Variants in BPIFB6 observed in about 807,000 individuals in gnomAD.
BPIFB6 encodes the protein BPI fold containing family B member 6.
BPIFB6 carries 47 observed loss-of-function variants against 54.7 expected under a neutral mutation model. The observed-to-expected ratio is 0.86, with a 90% CI of 0.68 to 1.10. BPIFB6 has a LOEUF of 1.10. BPIFB6 is among the 50% of genes least tolerant of loss of function. The probability of loss-of-function intolerance (pLI) is 0.00; values close to 1 mark genes in which losing one functional copy is unlikely to be tolerated. For missense variants in BPIFB6, 603 were observed against 564.1 expected, an observed-to-expected ratio of 1.07 and a Z score of -0.70; for synonymous variants, 255 against 225.9, an observed-to-expected ratio of 1.13 and a Z score of -1.16.
At position 33,037,590 on chromosome 20, in the gene BPIFB6, C is replaced by T; in HGVS notation, c.698C>T (p.Thr233Ile). The T allele has an allele frequency of 6.2e-7, 1 of 1,613,516 alleles. No homozygotes were observed. The highest frequency in any genetic ancestry group is 1.1e-5 in the South Asian group (1 of 91,054). ...SPVVQQQKGK[T>I]IKLADAGEAL... Reference sequence around the variant, plus strand: ...GTGGTGCAGCAGCAAAAGGGCAAAACCATCAAGCTTGCTGATGCCGGGGAG... The same window carrying T: ...GTGGTGCAGCAGCAAAAGGGCAAAATCATCAAGCTTGCTGATGCCGGGGAG... The change falls in exon 8 of 15, where the codon ACC (threonine) becomes ATC (isoleucine). Residue 233 changes from threonine (T) to isoleucine (I), a missense_variant. Transcript: ENST00000349552.
At chr20:33,039,219 C>T (rs1368618602) in intron 9 of BPIFB6, 128 bp from the exon 10 acceptor site, 4 of 1,030,806 alleles carry the variant, frequency 3.9e-6, no homozygotes, top group Non-Finnish European at 5.7e-6. Context: ...ATAGACACAT[C>T]CTGGCCTTTG....
At chr20:33,032,640 C>T (rs1053393352) in intron 1 of BPIFB6, among the ~76,000 whole-genome samples, 6 of 152,214 alleles carry the variant, frequency 3.9e-5, no homozygotes, top group Non-Finnish European at 8.8e-5. Flanking sequence ...CTCCCACCCA[C>T]CTTTGCACTT....
chr20:33,038,753 G>A (rs1979449902), intron 8 of BPIFB6, among the ~76,000 whole-genome samples, 156 bp from the exon 9 acceptor site: 1 of 152,164 alleles, frequency 6.6e-6, no homozygotes, highest in African/African-American at 2.4e-5. Context: ...CATCACCTGG[G>A]CTGCCCAGAA....
intron 10 of BPIFB6, among the ~76,000 whole-genome samples, chr20:33,040,031 T>C (rs1979511028): frequency 6.6e-6 from 1 of 152,144 alleles, no homozygotes; most frequent in South Asian, 2.1e-4. Flanking sequence ...CCAGGTATTT[T>C]GGGGGATGCT....
rs776811803 is a variant in BPIFB6 at position 33,036,493 on chromosome 20, C to T, written c.626C>T (p.Ser209Phe). Reference sequence around the variant, plus strand: ...GGCACCGTCAAATATGTTCTGATGTCCGCACCAGCCACCACAGCCAGCTAC... The same window carrying T: ...GGCACCGTCAAATATGTTCTGATGTTCGCACCAGCCACCACAGCCAGCTAC... ...QMGTVKYVLM[S>F]APATTASYIQ... The change falls in exon 7 of 15, where the codon TCC becomes TTC. Residue 209 changes from serine (S) to phenylalanine (F), a missense_variant. Ser to Phe is a radical substitution (Grantham distance 155, BLOSUM62 -2). Coordinates refer to ENST00000349552, the MANE Select transcript of BPIFB6 (RefSeq NM_174897.2). The T allele has an allele frequency of 1.9e-5, 30 of 1,614,030 alleles. No individual in the cohort carries two copies. The highest frequency in any genetic ancestry group is 2.5e-5 in the Non-Finnish European group (30 of 1,180,024).
rs747858432 is a variant in BPIFB6 at position 33,044,040 on chromosome 20, T to A, written c.1355T>A (p.Leu452Gln). ...AATGCCCTGATGCTGGACTTGAAGC[T>A]GGGCTGACCATGGCAGGACTCCCCT... ...VENALMLDLK[L>Q]G Residue 452 changes from leucine to glutamine, a missense_variant, in exon 15 of 15, where the codon CTG becomes CAG. By Grantham distance (113) the Leu-to-Gln change is moderately radical. Coordinates refer to ENST00000349552, the MANE Select transcript of BPIFB6 (RefSeq NM_174897.2). 1 of 1,614,210 alleles carries A rather than the reference T, an allele frequency of 6.2e-7. No homozygotes were observed. Among genetic ancestry groups the A allele is most frequent in the Non-Finnish European group, 8.5e-7 (1 of 1,180,034 alleles).
chr20:33,034,513 G>A (rs1164504556), intron 3 of BPIFB6, among the ~76,000 whole-genome samples: 1 of 152,212 alleles, frequency 6.6e-6, no homozygotes, highest in Non-Finnish European at 1.5e-5. Flanking sequence ...CGGATGGTCA[G>A]AAAAGGTTAT....
chr20:33,036,652 T>C, intron 7 of BPIFB6, 116 bp downstream of exon 7: 1 of 990,298 alleles, frequency 1.0e-6, no homozygotes. Flanking sequence ...GGGAGGCCCC[T>C]CAAGCCGTGG....
rs565761859 is a variant in BPIFB6 at position 33,031,773 on chromosome 20, G to A, written c.97+29G>A. The A allele has an allele frequency of 1.9e-6, 3 of 1,598,664 alleles. No individual in the cohort carries two copies. In the Admixed American group the frequency reaches 5.0e-5, roughly 27 times the overall value. ...GTGAGCTTGTGGGCCCGGGCGTGCA[G>A]CTGGGAGGCGGTGCTTGGGGTAGGT... On this transcript the variant is annotated intron_variant, in intron 1 of 14. Transcript: ENST00000349552.
chr20:33,040,972 T>A (rs1455258082), intron 11 of BPIFB6, among the ~76,000 whole-genome samples: 1 of 151,238 alleles, frequency 6.6e-6, no homozygotes, highest in African/African-American at 2.4e-5. Context: ...AACTGAAAAC[T>A]TTAGGAGTAG....
chr20:33,041,417 T>C (rs1365770387), intron 11 of BPIFB6, among the ~76,000 whole-genome samples: 9 of 152,176 alleles, frequency 5.9e-5, no homozygotes, highest in Non-Finnish European at 1.0e-4. Context: ...TCAGGCAGCT[T>C]CTGGGTCATA....
rs1979643364 is a variant in BPIFB6, at chr20:33,042,819, G to A, written c.1193G>A (p.Arg398Lys). Reference protein sequence around the residue: ...KSSSIGNFNERELTGFITSYL... With the variant: ...KSSSIGNFNEKELTGFITSYL... ...CTTTCTCTTTCTTCTTTCCAGGAGAGGGAATTAACTGGCTTCATCACCAGC... is the reference window on the plus strand; with the variant it reads ...CTTTCTCTTTCTTCTTTCCAGGAGAAGGAATTAACTGGCTTCATCACCAGC... Residue 398 changes from arginine to lysine, a missense_variant, in exon 13 of 15, where the codon AGG (arginine) becomes AAG (lysine). Transcript: ENST00000349552. The A allele has an allele frequency of 6.2e-6, 10 of 1,613,894 alleles. No homozygotes were observed. The highest frequency in any genetic ancestry group is 7.6e-6 in the Non-Finnish European group (9 of 1,179,864).
chr20:33,044,074 C>T (rs1262859887), downstream of BPIFB6: 3 of 1,614,008 alleles, frequency 1.9e-6, no homozygotes, highest in South Asian at 2.2e-5. Context: ...CTGCCAGCTG[C>T]CTGCTTACCA....
intron 1 of BPIFB6, 134 bp downstream of exon 1, chr20:33,031,878 T>G: frequency 1.4e-6 from 1 of 703,418 alleles, no homozygotes; most frequent in East Asian, 2.8e-5. Flanking sequence ...AGTGTTATTA[T>G]TATTCTCCCA....
chr20:33,036,659 G>A (rs935198951), intron 7 of BPIFB6, 123 bp downstream of exon 7: 21 of 912,274 alleles, frequency 2.3e-5, no homozygotes, highest in African/African-American at 9.8e-5. Flanking sequence ...CCCTCAAGCC[G>A]TGGAGGCCAA....
At position 33,035,133 on chromosome 20, in the gene BPIFB6, C is replaced by T. The variant is rs779941110; in HGVS notation, c.505C>T (p.Leu169Phe). ...CCTGGACAGCACCCTGCACAAAGTC[C>T]TCCCTGGGCTGGTGAGTGACCCAGA... ...KFLDSTLHKV[L>F]PGLMCPAIDA... The change falls in exon 5 of 15, where the codon CTC becomes TTC. Residue 169 changes from leucine (L) to phenylalanine (F), a missense_variant. Physicochemically the swap from Leu to Phe is conservative, Grantham distance 22. Coordinates refer to ENST00000349552, the MANE Select transcript of BPIFB6 (RefSeq NM_174897.2). The T allele has an allele frequency of 1.2e-6, 2 of 1,613,892 alleles. No homozygotes were observed. The highest frequency in any genetic ancestry group is 1.7e-6 in the Non-Finnish European group (2 of 1,180,040).
chr20:33,038,859 A>T (rs1054084383), intron 8 of BPIFB6, 50 bp from the exon 9 acceptor site: 1 of 1,561,752 alleles, frequency 6.4e-7, no homozygotes, highest in Non-Finnish European at 8.8e-7. Context: ...GTTTGTTAGG[A>T]TGGGCCAGGG....
Position 33,037,605 on chromosome 20 carries a change from A to T in BPIFB6, c.713A>T (p.Asp238Val), listed in dbSNP as rs781736022. The T allele has an allele frequency of 7.4e-6, 12 of 1,613,796 alleles. No individual in the cohort carries two copies. Among genetic ancestry groups the T allele is most frequent in the Admixed American group, 1.7e-5 (1 of 60,004 alleles). The stretch of plus-strand genomic sequence containing the variant: ...AAGGGCAAAACCATCAAGCTTGCTG[A>T]TGCCGGGGAGGCCCTCACGTTCCCT... ...QQKGKTIKLA[D>V]AGEALTFPEG... is the part of the protein sequence containing the mutation. The change falls in exon 8 of 15, where the codon GAT (aspartate) becomes GTT (valine). Residue 238 changes from aspartate (D) to valine (V), a missense_variant. Physicochemically the swap from Asp to Val is radical, Grantham distance 152. Coordinates refer to ENST00000349552, the MANE Select transcript of BPIFB6 (RefSeq NM_174897.2).
At position 33,037,716 on chromosome 20, in the gene BPIFB6, A is replaced by G; in HGVS notation, c.824A>G (p.His275Arg). 1.2e-6 allele frequency: 2 copies of G among 1,614,102 alleles called. No homozygotes were observed. The highest frequency in any genetic ancestry group is 1.7e-6 in the Non-Finnish European group (2 of 1,180,012). ...AELALLQKSF[H>R]VNIQDTMIGE... ...CTTGCCCTTCTGCAGAAGTCCTTTC[A>G]TGTGAATATCCAGGATACAATGGTG... Residue 275 changes from histidine (H) to arginine (R), a missense_variant, in exon 8 of 15, where the codon CAT (histidine) becomes CGT (arginine). Coordinates refer to ENST00000349552, the MANE Select transcript of BPIFB6 (RefSeq NM_174897.2).
Sources: allele counts gnomAD v4.1 joint callset (sites outside exome capture counted in the v4.1 genomes callset), GRCh38; gene constraint gnomAD v4.1.1; transcripts MANE v1.5; gene names NCBI Gene and HGNC (gene_info 2026-07-23, HGNC 2026-07-21).